GPHN: variants seen among roughly 807,000 people sequenced by gnomAD.
GPHN encodes the protein gephyrin.
A neutral mutation model predicts 95.5 loss-of-function variants in GPHN; 17 were observed. That is an observed-to-expected ratio of 0.18 (90% CI 0.12 to 0.27). GPHN has a LOEUF of 0.27. Ranked by LOEUF, GPHN falls within the 10% of genes least tolerant of loss-of-function variation. The pLI is 1.00. For missense variants in GPHN, 660 were observed against 978.1 expected (o/e 0.67, Z 4.34); for synonymous variants, 320 against 322.5 (o/e 0.99, Z 0.08).
At chr14:67,537,217 AC>A in the GPHN span, among the ~76,000 whole-genome samples, 6 of 101,608 alleles carry the variant, frequency 5.9e-5, no homozygotes, top group Non-Finnish European at 1.2e-4. Context: ...GGTGGCATCC[AC>A]CTGTAATCCC....
intron 1 of GPHN, among the ~76,000 whole-genome samples, chr14:66,627,111 T>G (rs2063555314): frequency 6.6e-6 from 1 of 152,028 alleles, no homozygotes; most frequent in African/African-American, 2.4e-5. Context: ...GGTATAAATC[T>G]AATGAATACC....
intron 1 of GPHN, among the ~76,000 whole-genome samples, chr14:66,598,288 G>A (rs954027213): frequency 3.3e-5 from 5 of 152,074 alleles, no homozygotes; most frequent in African/African-American, 1.2e-4. Context: ...CGTACCAGAA[G>A]AAATGATAAG....
At chr14:66,871,345 T>C (rs2063426682) in intron 4 of GPHN, among the ~76,000 whole-genome samples, 2 of 152,358 alleles carry the variant, frequency 1.3e-5, no homozygotes, top group South Asian at 4.1e-4. Flanking sequence ...ATATATCATC[T>C]TTATGTGAAG....
the GPHN span, among the ~76,000 whole-genome samples, chr14:67,546,922 A>G: frequency 6.6e-6 from 1 of 152,178 alleles, no homozygotes; most frequent in South Asian, 2.1e-4. Flanking sequence ...ATTTCATAAT[A>G]AATGTTTTAG....
At chr14:67,395,706 G>A in the GPHN span, 41 of 693,982 alleles carry the variant, frequency 5.9e-5, no homozygotes, top group East Asian at 4.4e-4. Flanking sequence ...CTGAGCCCTC[G>A]GCCACATAGC....
intron 3 of GPHN, among the ~76,000 whole-genome samples, chr14:66,777,095 AAG>A (rs889637671): frequency 2.6e-5 from 4 of 151,776 alleles, no homozygotes; most frequent in Non-Finnish European, 5.9e-5. Flanking sequence ...AAAAAAAAAA[AAG>A]AGAGAAGAAT....
At chr14:67,038,823 CT>C (rs769988230) in intron 10 of GPHN, among the ~76,000 whole-genome samples, 35 of 152,144 alleles carry the variant, frequency 2.3e-4, no homozygotes, top group Non-Finnish European at 4.0e-4. Context: ...CCCACTTACT[CT>C]AATAACTAAA....
intron 17 of GPHN, among the ~76,000 whole-genome samples, chr14:67,126,016 A>C (rs2079291043): frequency 6.6e-6 from 1 of 152,226 alleles, no homozygotes; most frequent in Non-Finnish European, 1.5e-5. Context: ...GCCTTTGCTT[A>C]CTATACCTTT....
At chr14:67,514,836 A>C in the GPHN span, among the ~76,000 whole-genome samples, 321 of 151,840 alleles carry the variant, frequency 2.1e-3, 5 homozygotes, top group Non-Finnish European at 3.9e-3. Context: ...CTGTGCGCCC[A>C]TCCCCCGCAG....
At chr14:67,364,647 C>CT in the GPHN span, 1 of 1,023,084 alleles carries the variant, frequency 9.8e-7, no homozygotes, top group Non-Finnish European at 1.4e-6. Flanking sequence ...GATGAGAAGA[C>CT]TAAGACTAAT....
chr14:67,194,855 A>C, the GPHN span, among the ~76,000 whole-genome samples: 2 of 152,180 alleles, frequency 1.3e-5, no homozygotes, highest in Non-Finnish European at 2.9e-5. Flanking sequence ...TCAGGGTTTC[A>C]CAACGTTGGC....
the GPHN span, chr14:67,340,468 C>G: frequency 6.2e-7 from 1 of 1,613,910 alleles, no homozygotes; most frequent in Admixed American, 1.7e-5. Flanking sequence ...TCTCTCTCAT[C>G]CAGCTCTGTG....
intron 3 of GPHN, among the ~76,000 whole-genome samples, chr14:66,818,943 C>T (rs1387519721): frequency 2.6e-5 from 4 of 151,470 alleles, no homozygotes; most frequent in Admixed American, 2.0e-4. Context: ...TGGGTTTTTT[C>T]CCTGTAAATT....
chr14:67,012,331 A>T (rs918041416), intron 9 of GPHN, among the ~76,000 whole-genome samples: 3 of 152,062 alleles, frequency 2.0e-5, no homozygotes, highest in Admixed American at 6.5e-5. Context: ...AAACTTCAAT[A>T]AACAACAAAA....
At chr14:66,910,921 A>C (rs2065642286) in intron 5 of GPHN, among the ~76,000 whole-genome samples, 6 of 152,000 alleles carry the variant, frequency 3.9e-5, no homozygotes, top group Admixed American at 3.9e-4. Flanking sequence ...TGCAGCATTG[A>C]AAATGAACTA....
intron 1 of GPHN, among the ~76,000 whole-genome samples, chr14:66,627,286 T>C (rs1331036309): frequency 6.6e-6 from 1 of 152,032 alleles, no homozygotes; most frequent in Non-Finnish European, 1.5e-5. Context: ...AATTTTACTC[T>C]TTTTCTCACA....
the GPHN span, among the ~76,000 whole-genome samples, chr14:67,195,584 A>G: frequency 1.3e-5 from 2 of 152,228 alleles, no homozygotes; most frequent in Non-Finnish European, 2.9e-5. Context: ...TTAACTCTGT[A>G]TGAACAAGAG....
intron 4 of GPHN, among the ~76,000 whole-genome samples, chr14:66,841,992 G>T (rs2062110553): frequency 1.3e-5 from 2 of 152,074 alleles, no homozygotes; most frequent in Admixed American, 1.3e-4. Context: ...GGCAAGGTTT[G>T]CAGTGAGCTG....
the GPHN span, among the ~76,000 whole-genome samples, chr14:67,438,442 G>A: frequency 6.6e-6 from 1 of 152,148 alleles, no homozygotes; most frequent in South Asian, 2.1e-4. Context: ...TTTGGAGTCA[G>A]GAAGATCTCA....
Sources: allele counts gnomAD v4.1 joint callset (sites outside exome capture counted in the v4.1 genomes callset), GRCh38; gene constraint gnomAD v4.1.1; transcripts MANE v1.5; gene names NCBI Gene and HGNC (gene_info 2026-07-23, HGNC 2026-07-21).